LRIF1: variants seen among roughly 807,000 people sequenced by gnomAD.
LRIF1 encodes ligand-dependent nuclear receptor-interacting factor 1.
A neutral mutation model predicts 52.7 loss-of-function variants in LRIF1; 32 were observed. The observed-to-expected ratio is 0.61, with a 90% CI of 0.46 to 0.82. The LOEUF is 0.82. Ranked by LOEUF, LRIF1 falls within the 40% of genes least tolerant of loss-of-function variation. The probability of loss-of-function intolerance (pLI) is 0.00; values close to 1 mark genes in which losing one functional copy is unlikely to be tolerated. For missense variants in LRIF1, 887 were observed against 892.0 expected (o/e 0.99, Z 0.07); for synonymous variants, 323 against 317.4 (o/e 1.02, Z -0.19).
chr1:110,962,568 T>C (rs1659004647), intron 1 of LRIF1, among the ~76,000 whole-genome samples: 1 of 151,784 alleles, frequency 6.6e-6, no homozygotes, highest in Admixed American at 6.6e-5. Flanking sequence ...ATAGTAATAG[T>C]TAACATTTAA....
At chr1:110,913,630 G>A in the LRIF1 span, among the ~76,000 whole-genome samples, 2 of 152,148 alleles carry the variant, frequency 1.3e-5, no homozygotes, top group South Asian at 2.1e-4. Flanking sequence ...TTACTAAAAC[G>A]TCAAAAAACA....
the LRIF1 span, among the ~76,000 whole-genome samples, chr1:110,901,477 C>CTTTT: frequency 9.8e-4 from 114 of 115,864 alleles, 11 homozygotes; most frequent in Admixed American, 1.1e-3. Context: ...CGCACCCGGC[C>CTTTT]TTTTTTTTTT....
chr1:110,910,556 G>A, the LRIF1 span, among the ~76,000 whole-genome samples: 27 of 152,240 alleles, frequency 1.8e-4, no homozygotes, highest in Admixed American at 9.2e-4. Context: ...AGCTGAGATC[G>A]TGCCATTGCA....
the LRIF1 span, among the ~76,000 whole-genome samples, chr1:110,879,532 A>C: frequency 2.0e-5 from 3 of 152,164 alleles, no homozygotes; most frequent in African/African-American, 7.2e-5. Context: ...CACAGTGCAC[A>C]TTAGCATATA....
the LRIF1 span, among the ~76,000 whole-genome samples, chr1:110,923,401 C>T: frequency 1.3e-5 from 2 of 152,068 alleles, no homozygotes. Context: ...ACATCAACAT[C>T]TTTGGGGAAG....
At chr1:110,915,203 C>A in the LRIF1 span, among the ~76,000 whole-genome samples, 2 of 152,132 alleles carry the variant, frequency 1.3e-5, no homozygotes, top group Non-Finnish European at 2.9e-5. Context: ...AATAAATTTA[C>A]GGCCGGGCGC....
chr1:110,942,419 A>T (rs1658115051), downstream of LRIF1: 1 of 151,962 alleles, frequency 6.6e-6, no homozygotes, highest in African/African-American at 2.4e-5. Flanking sequence ...TTCGTTTCTC[A>T]TTTCTCTATT....
the LRIF1 span, among the ~76,000 whole-genome samples, chr1:110,883,203 T>C: frequency 1.3e-5 from 2 of 151,996 alleles, no homozygotes; most frequent in South Asian, 4.1e-4. Context: ...CCTTCATAAA[T>C]GCCTTTTATA....
At chr1:110,919,606 T>A in the LRIF1 span, among the ~76,000 whole-genome samples, 1 of 152,142 alleles carries the variant, frequency 6.6e-6, no homozygotes, top group Admixed American at 6.6e-5. Flanking sequence ...AAAAAAAAGA[T>A]TATCTTCCAA....
chr1:110,905,604 A>G, the LRIF1 span, among the ~76,000 whole-genome samples: 1 of 152,232 alleles, frequency 6.6e-6, no homozygotes, highest in Non-Finnish European at 1.5e-5. Context: ...GGATTTCATC[A>G]ACACCAGTTC....
the LRIF1 span, among the ~76,000 whole-genome samples, chr1:110,884,234 C>T: frequency 6.6e-6 from 1 of 152,184 alleles, no homozygotes; most frequent in South Asian, 2.1e-4. Flanking sequence ...ATTCAGAATT[C>T]TAATTTTCTC....
the LRIF1 span, among the ~76,000 whole-genome samples, chr1:110,878,708 A>G: frequency 6.6e-6 from 1 of 152,222 alleles, no homozygotes; most frequent in East Asian, 1.9e-4. Flanking sequence ...TCTACCAAAC[A>G]CTTCCATTCA....
the LRIF1 span, chr1:110,894,406 G>A: frequency 1.2e-6 from 2 of 1,609,470 alleles, no homozygotes; most frequent in Non-Finnish European, 1.7e-6. Context: ...CAGAAGGTAA[G>A]TTATAAAGAC....
chr1:110,883,013 T>C, the LRIF1 span, among the ~76,000 whole-genome samples: 1 of 151,944 alleles, frequency 6.6e-6, no homozygotes, highest in South Asian at 2.1e-4. Context: ...ACAAAGCCAG[T>C]TTTACTTTTT....
the LRIF1 span, among the ~76,000 whole-genome samples, chr1:110,875,279 C>T: frequency 6.6e-6 from 1 of 152,166 alleles, no homozygotes; most frequent in Admixed American, 6.5e-5. Flanking sequence ...AAAGCCCTTT[C>T]TCCTACTTGG....
the LRIF1 span, among the ~76,000 whole-genome samples, chr1:110,891,917 T>C: frequency 1.3e-5 from 2 of 152,230 alleles, no homozygotes; most frequent in African/African-American, 4.8e-5. Flanking sequence ...TTGGTACTTG[T>C]GTATATGAGA....
rs147205230 is a variant in LRIF1 at position 110,948,228 on chromosome 1, G to T, written c.2041C>A (p.Leu681Ile). The T allele has an allele frequency of 5.3e-4, 852 of 1,614,088 alleles. 10 individuals are homozygous for T. The Admixed American group carries it at 9.8e-3, about 19-fold the overall frequency. The change falls in exon 4 of 4, where the codon CTC (leucine) becomes ATC (isoleucine). Residue 681 changes from leucine (L) to isoleucine (I), a missense_variant. Coordinates refer to ENST00000369763, the MANE Select transcript of LRIF1 (RefSeq NM_018372.4). ...PTSDVSQHNI[L>I]TSHSKTRQEK... is the part of the protein sequence containing the mutation. ...TGTCTGGTTTTGCTGTGACTCGTGAGAATGTTATGTTGTGACACATCTGAA... is the reference window on the plus strand; with the variant it reads ...TGTCTGGTTTTGCTGTGACTCGTGATAATGTTATGTTGTGACACATCTGAA...
chr1:110,875,693 G>T, the LRIF1 span, among the ~76,000 whole-genome samples: 4 of 152,270 alleles, frequency 2.6e-5, no homozygotes, highest in South Asian at 8.3e-4. Flanking sequence ...CAGGTGCAGG[G>T]CACTGAAGCA....
At chr1:110,914,911 T>C in the LRIF1 span, among the ~76,000 whole-genome samples, 50 of 152,214 alleles carry the variant, frequency 3.3e-4, 1 homozygote, top group Non-Finnish European at 8.8e-5. Flanking sequence ...CATTACATAG[T>C]AGAATTGAAG....
Sources: gnomAD v4.1 joint callset for allele counts (sites outside exome capture counted in the v4.1 genomes callset) on GRCh38, gnomAD v4.1.1 for gene constraint, MANE v1.5 for transcripts, NCBI Gene and HGNC (gene_info 2026-07-23, HGNC 2026-07-21) for gene names.